The following DCHS2 variants were observed in gnomAD, a reference collection of about 807,000 sequenced individuals.
DCHS2 encodes the protein protocadherin-23.
A neutral mutation model predicts 182.4 loss-of-function variants in DCHS2; 142 were observed. The ratio of observed to expected loss-of-function variants is 0.78; its 90% CI spans 0.68 to 0.89. The LOEUF (loss-of-function observed/expected upper bound fraction) is 0.89. Among genes scored for constraint, DCHS2 ranks in the 40% least tolerant of loss-of-function variants. The pLI is 0.00. For synonymous variants in DCHS2, 1,740 were observed against 1,663.3 expected, an observed-to-expected ratio of 1.05 and a Z score of -1.12; for missense variants, 4,319 against 4,198.6, an observed-to-expected ratio of 1.03 and a Z score of -0.79.
In DCHS2 at chr4:154,294,970, C is replaced by A. The variant is rs199734481; in HGVS notation, c.6463+2881G>T. On this transcript the variant is annotated intron_variant, in intron 13 of 19. Transcript: ENST00000357232. ...ACTTCGCTTCTTGTGTCTTTTATTC[C>A]TAGAAAGAGAAAACTGGTCATTCCA... Among the ~76,000 whole-genome samples, 4 of 152,348 alleles carry A rather than the reference C, an allele frequency of 2.6e-5. No homozygotes were observed. In the East Asian group the frequency reaches 7.7e-4, roughly 29 times the overall value.
intron 7 of DCHS2, among the ~76,000 whole-genome samples, chr4:154,327,614 T>C (rs1426142712): frequency 6.6e-6 from 1 of 152,066 alleles, no homozygotes; most frequent in Admixed American, 6.5e-5. Context: ...ACAGAAAACA[T>C]AATAGTAAGC....
chr4:154,422,862 C>T (rs571343594), intron 1 of DCHS2, among the ~76,000 whole-genome samples: 14 of 152,306 alleles, frequency 9.2e-5, no homozygotes, highest in African/African-American at 1.4e-4. Context: ...GCAATTCCCA[C>T]GCATTCACCA....
intron 4 of DCHS2, chr4:154,334,659 T>G: frequency 1.8e-6 from 1 of 541,764 alleles, no homozygotes. Flanking sequence ...CTTTTTAAAA[T>G]GCCTATTATT....
rs1217339297 is a variant in DCHS2 at position 154,490,346 on chromosome 4, G to A, written c.1010C>T (p.Ala337Val). Reference protein sequence around the residue: ...PNGFVRYSVRARQVPGAGSGG... With the variant: ...PNGFVRYSVRVRQVPGAGSGG... ...GCTACCCGCCCCAGGCACTTGCCGG[G>A]CGCGGACGCTGTAGCGCACGAAGCC... The change falls in exon 1 of 20, where the codon GCC (alanine) becomes GTC (valine). Residue 337 changes from alanine (A) to valine (V), a missense_variant. Transcript: ENST00000357232. The A allele has an allele frequency of 1.9e-6, 3 of 1,540,758 alleles. No homozygotes were observed. The highest frequency in any genetic ancestry group is 2.0e-5 in the Admixed American group (1 of 50,884).
At chr4:154,484,853 G>C (rs950682496) in intron 1 of DCHS2, among the ~76,000 whole-genome samples, 41 of 152,134 alleles carry the variant, frequency 2.7e-4, no homozygotes, top group Non-Finnish European at 1.5e-5. Context: ...ACAACTTTCT[G>C]AAGTCCATCC....
intron 13 of DCHS2, among the ~76,000 whole-genome samples, chr4:154,276,524 A>G (rs1733861480): frequency 2.0e-5 from 3 of 152,190 alleles, no homozygotes; most frequent in Non-Finnish European, 2.9e-5. Context: ...CTAGAGTTTT[A>G]TGTTTGTTAT....
intron 2 of DCHS2, among the ~76,000 whole-genome samples, chr4:154,367,138 G>A (rs1019070025): frequency 2.0e-5 from 3 of 152,218 alleles, no homozygotes; most frequent in African/African-American, 2.4e-5. Flanking sequence ...GAAGGGCTGA[G>A]CTCAGAGAGG....
intron 1 of DCHS2, among the ~76,000 whole-genome samples, chr4:154,432,542 T>C (rs1733602392): frequency 6.6e-6 from 1 of 152,154 alleles, no homozygotes; most frequent in African/African-American, 2.4e-5. Flanking sequence ...AGGTCCTAAT[T>C]TGTTTTAGAC....
At chr4:154,357,261 A>G (rs1456004181) in intron 3 of DCHS2, 1 of 1,613,568 alleles carries the variant, frequency 6.2e-7, no homozygotes, top group Admixed American at 1.7e-5. Flanking sequence ...TAAACTGTTC[A>G]TTACTTCCTT....
chr4:154,239,697 T>C (rs562852718), intron 18 of DCHS2, among the ~76,000 whole-genome samples: 1 of 152,044 alleles, frequency 6.6e-6, no homozygotes, highest in Non-Finnish European at 1.5e-5. Flanking sequence ...TTAGTAGAGA[T>C]GGGGTTTCAC....
intron 1 of DCHS2, among the ~76,000 whole-genome samples, chr4:154,432,497 A>C (rs933577652): frequency 2.0e-5 from 3 of 152,208 alleles, no homozygotes; most frequent in African/African-American, 4.8e-5. Context: ...AAATAATAGG[A>C]GTTAAAGGTC....
chr4:154,417,202 T>TGGGAGAGAGAGAGA (rs1393416915), intron 1 of DCHS2, among the ~76,000 whole-genome samples: 1 of 41,954 alleles, frequency 2.4e-5, no homozygotes, highest in Admixed American at 3.3e-4. Flanking sequence ...TGTGTGTGTG[T>TGGGAGAGAGAGAGA]GTGAGAGAGA....
chr4:154,413,152 C>T (rs1299447286), intron 1 of DCHS2, among the ~76,000 whole-genome samples: 1 of 152,176 alleles, frequency 6.6e-6, no homozygotes. Flanking sequence ...AAAACATGTC[C>T]TATCTGTGCA....
At chr4:154,418,750 T>G (rs7686357) in intron 1 of DCHS2, among the ~76,000 whole-genome samples, 126,146 of 152,206 alleles carry the variant, frequency 0.83, 54,708 homozygotes, top group Non-Finnish European at 0.95. Flanking sequence ...TAGTAAAATA[T>G]CATGTATTTC....
intron 1 of DCHS2, among the ~76,000 whole-genome samples, chr4:154,420,304 C>A (rs201729630): frequency 7.5e-6 from 1 of 133,254 alleles, no homozygotes; most frequent in African/African-American, 2.8e-5. Context: ...TAGATAGATA[C>A]GTACGTACAT....
At chr4:154,339,842 G>C (rs1728982187) in intron 3 of DCHS2, among the ~76,000 whole-genome samples, 1 of 152,122 alleles carries the variant, frequency 6.6e-6, no homozygotes, top group African/African-American at 2.4e-5. Flanking sequence ...ACTATGTAAA[G>C]TTTGAATACA....
chr4:154,489,481 G>A lies in DCHS2; in HGVS notation c.1875C>T (p.Val625=), dbSNP rs1279336949. ...ISTIRTLDRE[V]QEAVELKVVA... ...CCACTTTCAGCTCCACCGCCTCCTG[G>A]ACCTCTCGGTCTAGAGTCCGGATAG... The change falls in exon 1 of 20, where the codon GTC becomes GTT. Residue 625 remains valine (V), a synonymous_variant. Coordinates refer to ENST00000357232, the MANE Select transcript of DCHS2 (RefSeq NM_001358235.2). 2.6e-6 allele frequency: 4 copies of A among 1,551,706 alleles called. No individual in the cohort carries two copies. Among genetic ancestry groups the A allele is most frequent in the Non-Finnish European group, 8.7e-7 (1 of 1,147,002 alleles).
chr4:154,377,401 T>G lies in DCHS2; in HGVS notation c.2096A>C (p.Glu699Ala), dbSNP rs766446544. The change falls in exon 2 of 20, where the codon GAA becomes GCA. Residue 699 changes from glutamate (E) to alanine (A), a missense_variant. By Grantham distance (107) the Glu-to-Ala change is moderately radical (BLOSUM62 -1). Coordinates refer to ENST00000357232, the MANE Select transcript of DCHS2 (RefSeq NM_001358235.2). ...DADSGLYGFI[E>A]YSLYDGFLSY... is the part of the protein sequence containing the mutation. ...CAGGAATCCATCATAAAGAGAATAT[T>G]CAATAAAGCCATAGAGTCCTGAATC... 4 of 1,613,404 alleles carry G rather than the reference T, an allele frequency of 2.5e-6. No homozygotes were observed. The East Asian group carries it at 8.9e-5, about 36-fold the overall frequency.
rs1731467168 is a variant in DCHS2, at chr4:154,235,967, G to GTCT, written c.8682_8684dup (p.Lys2894_Asp2895insGlu). 6.2e-7 allele frequency: 1 copy of GTCT among 1,613,998 alleles called. No homozygotes were observed. The highest frequency in any genetic ancestry group is 8.5e-7 in the Non-Finnish European group (1 of 1,179,938). On this transcript the variant is annotated inframe_insertion, in exon 20 of 20. Transcript: ENST00000357232. ...CTTCCACTCTGCCAATCAACTGTCTGTCTTTATTCTTTTCTGGGAGGGTGA... is the reference window on the plus strand; with the variant it reads ...CTTCCACTCTGCCAATCAACTGTCTGTCTTCTTTATTCTTTTCTGGGAGGGTGA...
Sources: allele counts gnomAD v4.1 joint callset (sites outside exome capture counted in the v4.1 genomes callset), GRCh38; gene constraint gnomAD v4.1.1; transcripts MANE v1.5; gene names NCBI Gene and HGNC (gene_info 2026-07-23, HGNC 2026-07-21).